GFRA2: variants seen among roughly 807,000 people sequenced by gnomAD.
The protein encoded by GFRA2 is GDNF family receptor alpha-2.
GFRA2 carries 17 observed loss-of-function variants against 48.3 expected under a neutral mutation model. That is an observed-to-expected ratio of 0.35 (90% CI 0.24 to 0.53). GFRA2 has a LOEUF of 0.53. Ranked by LOEUF, GFRA2 falls within the 20% of genes least tolerant of loss-of-function variation. The pLI, the probability that GFRA2 is intolerant of heterozygous loss-of-function variation, is 0.93. For synonymous variants in GFRA2, 305 were observed against 257.2 expected (o/e 1.19, Z -1.78); for missense variants, 660 against 637.3 (o/e 1.04, Z -0.38).
intron 3 of GFRA2, among the ~76,000 whole-genome samples, chr8:21,768,117 C>T (rs991809821): frequency 1.3e-5 from 2 of 152,224 alleles, no homozygotes; most frequent in African/African-American, 2.4e-5. Flanking sequence ...GTCCACCTCT[C>T]CTCGTCTCCA....
At chr8:21,796,189 C>G (rs967361563) in intron 2 of GFRA2, among the ~76,000 whole-genome samples, 1 of 152,242 alleles carries the variant, frequency 6.6e-6, no homozygotes, top group Non-Finnish European at 1.5e-5. Flanking sequence ...ACTATACTGG[C>G]TACACCCCAG....
At position 21,737,692 on chromosome 8, in the gene GFRA2, G is replaced by A. The variant is rs138793757; in HGVS notation, c.794+12896C>T. 1.8e-3 allele frequency among the ~76,000 whole-genome samples: 266 copies of A among 151,688 alleles called. 5 individuals carry two copies. Among genetic ancestry groups the A allele is most frequent in the Non-Finnish European group, 1.8e-3 (121 of 67,848 alleles). On this transcript the variant is annotated intron_variant, in intron 4 of 8. Transcript: ENST00000524240. ...CTGTCCTCTTCTCCCAGAAGCCTCC[G>A]CCCAAGACAGCCTCCCTCCCTCTGG...
In GFRA2 at chr8:21,762,315, C is replaced by A. The variant is rs1459831291; in HGVS notation, c.440-11373G>T. On this transcript the variant is annotated intron_variant, in intron 3 of 8. Transcript: ENST00000524240. ...AAGACCAATAGCAGAGCCTTGCCTC[C>A]CAGTCCTCTCAGTTGTCAATCAAAG... Among the ~76,000 whole-genome samples, 7 of 152,162 alleles carry A rather than the reference C, an allele frequency of 4.6e-5. No individual in the cohort carries two copies. The East Asian group carries it at 1.3e-3, about 29-fold the overall frequency.
intron 4 of GFRA2, among the ~76,000 whole-genome samples, chr8:21,747,231 T>C (rs1488462978): frequency 6.6e-6 from 1 of 152,200 alleles, no homozygotes; most frequent in East Asian, 1.9e-4. Flanking sequence ...AAGAAGCGAA[T>C]GTGTCTCAAA....
intron 4 of GFRA2, among the ~76,000 whole-genome samples, chr8:21,711,592 G>A (rs4237073): frequency 0.43 from 65,308 of 152,080 alleles, 16,666 homozygotes; most frequent in East Asian, 0.68. Context: ...AACGAAGAAC[G>A]TGTAGGTTCA....
At position 21,811,378 on chromosome 8, in the gene GFRA2, T is replaced by C. The variant is rs559180684; in HGVS notation, c.-148+853A>G. Reference sequence around the variant, plus strand: ...AGCAGGAGATCCTAACATGTGACTTTACCAGCTCTTAGGGAACTCGGGATG... The same window carrying C: ...AGCAGGAGATCCTAACATGTGACTTCACCAGCTCTTAGGGAACTCGGGATG... On this transcript the variant is annotated intron_variant, in intron 1 of 10. Coordinates refer to the GFRA2 transcript ENST00000517328. 3.5e-4 allele frequency among the ~76,000 whole-genome samples: 53 copies of C among 152,286 alleles called. 1 individual carries two copies. Among genetic ancestry groups the C allele is most frequent in the African/African-American group, 1.2e-3 (51 of 41,558 alleles).
Position 21,693,004 on chromosome 8 carries a change from G to C in GFRA2, c.*274C>G. 1 of 274,616 alleles carries C rather than the reference G, an allele frequency of 3.6e-6. No homozygotes were observed. The highest frequency in any genetic ancestry group is 6.9e-6 in the Non-Finnish European group (1 of 144,946). 17.0% of individuals were successfully genotyped at this position (274,616 alleles called of 1,614,324 possible). A position where few individuals can be genotyped will look rare whatever the true frequency, so the allele number is the denominator to read the frequency against. ...GAGAAAAACACCAGGAGAAAGTGAAGGGCATTTCTAGAGCCTCGTGCCCTC... is the reference window on the plus strand; with the variant it reads ...GAGAAAAACACCAGGAGAAAGTGAACGGCATTTCTAGAGCCTCGTGCCCTC... On this transcript the variant is annotated 3_prime_UTR_variant, in exon 9 of 9. Coordinates refer to ENST00000524240, the MANE Select transcript of GFRA2 (RefSeq NM_001495.5).
intron 3 of GFRA2, among the ~76,000 whole-genome samples, chr8:21,774,738 C>T (rs1806609687): frequency 2.6e-5 from 4 of 152,212 alleles, no homozygotes. Context: ...TACTCCATGA[C>T]AGCCACCTGG....
rs1048334062 is a variant in GFRA2, at chr8:21,800,246, A to C, written c.-36+4771T>G. On this transcript the variant is annotated intron_variant, in intron 2 of 10. Coordinates refer to the GFRA2 transcript ENST00000517328. ...CTGAATTCTTCAATACCTTCTTGTT[A>C]CTCCTCTCTGAGGCATATGCATTTT... 3.3e-5 allele frequency among the ~76,000 whole-genome samples: 5 copies of C among 152,256 alleles called. No individual in the cohort carries two copies. The South Asian group carries it at 1.0e-3, about 32-fold the overall frequency.
At chr8:21,741,931 AAAAAGAAAG>A (rs935641726) in intron 4 of GFRA2, among the ~76,000 whole-genome samples, 1 of 150,130 alleles carries the variant, frequency 6.7e-6, no homozygotes, top group Non-Finnish European at 1.5e-5. Flanking sequence ...AAAAAAAAAA[AAAAAGAAAG>A]AAAGAAAGAA....
chr8:21,693,766 A>G (rs115099533), intron 8 of GFRA2, among the ~76,000 whole-genome samples: 576 of 2,310 alleles, frequency 0.25, 3 homozygotes, highest in African/African-American at 0.41. Flanking sequence ...AAGAAGAAGG[A>G]GAGGAGAGAG....
chr8:21,801,467 C>A lies in GFRA2; in HGVS notation c.-36+3550G>T, dbSNP rs923754009. Among the ~76,000 whole-genome samples, 134 of 152,186 alleles carry A rather than the reference C, an allele frequency of 8.8e-4. 1 individual carries two copies. Among genetic ancestry groups the A allele is most frequent in the Admixed American group, 2.2e-3 (33 of 15,290 alleles). ...GTTAGCAAAGGGCCTGAGACAGGCA[C>A]CGTTATGGGCCCAGAAAATTCATGC... is the stretch of plus-strand genomic sequence containing the variant. On this transcript the variant is annotated intron_variant, in intron 2 of 10. Coordinates refer to the GFRA2 transcript ENST00000517328.
At chr8:21,771,909 G>A (rs1806455400) in intron 3 of GFRA2, among the ~76,000 whole-genome samples, 1 of 152,134 alleles carries the variant, frequency 6.6e-6, no homozygotes, top group Non-Finnish European at 1.5e-5. Context: ...ATTTCATGCA[G>A]TCCTATGGGG....
chr8:21,746,833 C>T (rs931497934), intron 4 of GFRA2, among the ~76,000 whole-genome samples: 1 of 152,042 alleles, frequency 6.6e-6, no homozygotes, highest in Admixed American at 6.6e-5. Context: ...AAAAATGCTT[C>T]TAGTTCTTTA....
At chr8:21,693,531 C>T (rs577131066) in intron 8 of GFRA2, 131 bp from the exon 9 acceptor site, 1 of 772,416 alleles carries the variant, frequency 1.3e-6, no homozygotes, top group Non-Finnish European at 2.0e-6. Flanking sequence ...TCTCTTCCAC[C>T]CACAGGGACC....
rs772782140 is a variant in GFRA2 at position 21,693,331 on chromosome 8, G to A, written c.1342C>T (p.Pro448Ser). The A allele has an allele frequency of 1.9e-6, 3 of 1,613,630 alleles. No individual in the cohort carries two copies. The highest frequency in any genetic ancestry group is 1.7e-5 in the Admixed American group (1 of 59,982). ...GACAGCACGGTCAAGGCAGCCGACG[G>A]TCTGGCTCTGCTGGGGCCTGAGTTA... ...KPNSGPSRAR[P>S]SAALTVLSVL... Residue 448 changes from proline to serine, a missense_variant, in exon 9 of 9, where the codon CCG (proline) becomes TCG (serine). By Grantham distance (74) the Pro-to-Ser change is moderately conservative (BLOSUM62 -1). Coordinates refer to ENST00000524240, the MANE Select transcript of GFRA2 (RefSeq NM_001495.5).
At chr8:21,807,995 C>A (rs1192201760) in intron 1 of GFRA2, among the ~76,000 whole-genome samples, 2 of 152,114 alleles carry the variant, frequency 1.3e-5, no homozygotes, top group African/African-American at 4.8e-5. Flanking sequence ...CTTTAAATAC[C>A]CTTCCTACAA....
At chr8:21,771,858 C>T (rs1017708537) in intron 3 of GFRA2, among the ~76,000 whole-genome samples, 3 of 152,114 alleles carry the variant, frequency 2.0e-5, no homozygotes, top group South Asian at 2.1e-4. Flanking sequence ...GGGGGCAGCA[C>T]GCAGGCAATA....
At chr8:21,746,797 A>C (rs1025014147) in intron 4 of GFRA2, among the ~76,000 whole-genome samples, 1 of 129,580 alleles carries the variant, frequency 7.7e-6, no homozygotes, top group Non-Finnish European at 1.6e-5. Context: ...CCAGAAAAGC[A>C]AAAAAAAAAA....
Sources: gnomAD v4.1 joint callset for allele counts (sites outside exome capture counted in the v4.1 genomes callset) on GRCh38, gnomAD v4.1.1 for gene constraint, MANE v1.5 for transcripts, NCBI Gene and HGNC (gene_info 2026-07-23, HGNC 2026-07-21) for gene names.